The following LARGE1 variants were observed in gnomAD, a reference collection of about 807,000 sequenced individuals.
The protein encoded by LARGE1 is LARGE xylosyl- and glucuronyltransferase 1, also known as xylosyl- and glucuronyltransferase LARGE1.
In LARGE1, 43 loss-of-function variants were observed where a neutral mutation model predicts 87.6. The observed-to-expected ratio is 0.49, with a 90% CI of 0.38 to 0.63. The LOEUF (loss-of-function observed/expected upper bound fraction) is 0.63. Ranked by LOEUF, LARGE1 falls within the 30% of genes least tolerant of loss-of-function variation. The pLI is 0.00. For missense variants in LARGE1, 802 were observed against 1,000.2 expected, an observed-to-expected ratio of 0.80 and a Z score of 2.67; for synonymous variants, 434 against 394.6, an observed-to-expected ratio of 1.10 and a Z score of -1.18.
rs1316310713 is a variant in LARGE1, at chr22:33,613,473, T to C, written c.492-8915A>G. Reference sequence around the variant, plus strand: ...CCCTGGGAATCAAGAAGCACCCAATTACAATTCTACTACACACAAGTTTCT... The same window carrying C: ...CCCTGGGAATCAAGAAGCACCCAATCACAATTCTACTACACACAAGTTTCT... On this transcript the variant is annotated intron_variant, in intron 4 of 14. Transcript: ENST00000397394. 3.3e-5 allele frequency among the ~76,000 whole-genome samples: 5 copies of C among 152,304 alleles called. No individual in the cohort carries two copies. In the East Asian group the frequency reaches 9.6e-4, roughly 29 times the overall value.
chr22:33,255,118 C>T (rs1012680094), intron 11 of LARGE1, among the ~76,000 whole-genome samples: 6 of 151,834 alleles, frequency 4.0e-5, no homozygotes, highest in African/African-American at 9.7e-5. Flanking sequence ...TTGTGTTTTC[C>T]GCAGAGACGG....
chr22:33,781,554 GAA>G (rs1365944928), intron 1 of LARGE1, among the ~76,000 whole-genome samples: 3 of 152,188 alleles, frequency 2.0e-5, no homozygotes, highest in African/African-American at 7.2e-5. Context: ...AAAGAGGAAA[GAA>G]TGCAGACAGC....
intron 11 of LARGE1, among the ~76,000 whole-genome samples, chr22:33,314,543 C>G (rs1026910054): frequency 6.6e-6 from 1 of 152,154 alleles, no homozygotes; most frequent in African/African-American, 2.4e-5. Flanking sequence ...ACTAATAACA[C>G]CTGGTATTTA....
intron 6 of LARGE1, among the ~76,000 whole-genome samples, chr22:33,499,747 G>A (rs544859853): frequency 2.4e-4 from 37 of 152,074 alleles, no homozygotes; most frequent in Admixed American, 2.0e-4. Context: ...GTTGTAATAG[G>A]TATTAGATAT....
At chr22:33,297,582 C>A (rs1010219753) in intron 12 of LARGE1, among the ~76,000 whole-genome samples, 1 of 146,698 alleles carries the variant, frequency 6.8e-6, no homozygotes, top group Admixed American at 6.9e-5. Flanking sequence ...CACTGCACTC[C>A]AGCCTGGGCG....
rs1193425062 is a variant in LARGE1 at position 33,657,979 on chromosome 22, C to G, written c.107-7311G>C. 2.0e-5 allele frequency among the ~76,000 whole-genome samples: 3 copies of G among 152,164 alleles called. No individual in the cohort carries two copies. In the East Asian group the frequency reaches 5.8e-4, roughly 29 times the overall value. ...AACAGGCACATGATTTAACTAGTTC[C>G]ATGTCATCCCAGCAACAATGGCAGA... On this transcript the variant is annotated intron_variant, in intron 2 of 14. Coordinates refer to ENST00000397394, the MANE Select transcript of LARGE1 (RefSeq NM_133642.5).
intron 9 of LARGE1, among the ~76,000 whole-genome samples, chr22:33,353,446 G>T (rs991536660): frequency 6.7e-6 from 1 of 148,994 alleles, no homozygotes; most frequent in Non-Finnish European, 1.5e-5. Flanking sequence ...AATACACAAA[G>T]ATAATATGGT....
At chr22:33,717,600 A>G (rs2082950986) in intron 2 of LARGE1, among the ~76,000 whole-genome samples, 1 of 152,200 alleles carries the variant, frequency 6.6e-6, no homozygotes, top group Non-Finnish European at 1.5e-5. Context: ...CCACAGTGGA[A>G]TCGAGGGCTT....
rs746851170 is a variant in LARGE1, at chr22:33,384,243, C to T, written c.954G>A (p.Leu318=). The change falls in exon 8 of 15, where the codon CTG becomes CTA. Residue 318 remains leucine (L), a synonymous_variant. Transcript: ENST00000397394. ...RKMKWEQMWR[L]TAERELMGML... ...TGCCCATGAGCTCCCTCTCTGCGGT[C>T]AGCCTCCACATCTGCTCCCATTTCA... The T allele has an allele frequency of 6.2e-7, 1 of 1,614,158 alleles. No individual in the cohort carries two copies. The highest frequency in any genetic ancestry group is 2.2e-5 in the East Asian group (1 of 44,888).
chr22:33,515,971 T>C (rs1219830212), intron 6 of LARGE1, among the ~76,000 whole-genome samples: 1 of 151,824 alleles, frequency 6.6e-6, no homozygotes, highest in Non-Finnish European at 1.5e-5. Context: ...AGTCCGGGAG[T>C]GAGCAACGCC....
At chr22:33,856,604 G>C (rs1029252542) in intron 1 of LARGE1, 10 of 152,172 alleles carry the variant, frequency 6.6e-5, no homozygotes, top group African/African-American at 2.4e-4. Context: ...GCCCTAGGCT[G>C]GTGCGTCTAC....
intron 7 of LARGE1, among the ~76,000 whole-genome samples, chr22:33,394,703 G>A (rs1230352051): frequency 4.3e-5 from 1 of 23,152 alleles, no homozygotes. Context: ...TCCTGGGAGC[G>A]TGTGTGTGTG....
chr22:33,623,520 A>T (rs2079820637), intron 4 of LARGE1, among the ~76,000 whole-genome samples: 1 of 151,938 alleles, frequency 6.6e-6, no homozygotes, highest in South Asian at 2.1e-4. Flanking sequence ...TCTCCTATCC[A>T]CTTCTCCATT....
At chr22:33,724,637 GT>G (rs2083211898) in intron 2 of LARGE1, among the ~76,000 whole-genome samples, 1 of 152,218 alleles carries the variant, frequency 6.6e-6, no homozygotes, top group South Asian at 2.1e-4. Flanking sequence ...CCAGAAAATG[GT>G]GAACAAAGGC....
intron 1 of LARGE1, among the ~76,000 whole-genome samples, chr22:33,894,037 T>C (rs937412709): frequency 2.6e-5 from 4 of 152,004 alleles, no homozygotes; most frequent in South Asian, 2.1e-4. Flanking sequence ...CCTGCAGACC[T>C]GGATGCTCTA....
intron 2 of LARGE1, among the ~76,000 whole-genome samples, chr22:33,652,503 T>C (rs1193119548): frequency 2.0e-5 from 3 of 147,278 alleles, no homozygotes; most frequent in Non-Finnish European, 4.5e-5. Context: ...CACTTATTTC[T>C]GTTTCCACTC....
intron 1 of LARGE1, among the ~76,000 whole-genome samples, chr22:33,887,014 G>C (rs895358002): frequency 6.6e-6 from 1 of 152,158 alleles, no homozygotes; most frequent in Non-Finnish European, 1.5e-5. Context: ...GGTGATGGTA[G>C]GGTGAAAAAG....
intron 1 of LARGE1, among the ~76,000 whole-genome samples, chr22:33,782,776 A>G (rs994439700): frequency 2.6e-5 from 4 of 151,870 alleles, no homozygotes. Flanking sequence ...GAGGCAGAAG[A>G]ATCACTTGAA....
chr22:33,125,850 C>T, the LARGE1 span, among the ~76,000 whole-genome samples: 24 of 152,228 alleles, frequency 1.6e-4, no homozygotes, highest in African/African-American at 5.5e-4. Flanking sequence ...TGGGTTCAAG[C>T]GATTCTCGTG....
Sources: gnomAD v4.1 joint callset for allele counts (sites outside exome capture counted in the v4.1 genomes callset) on GRCh38, gnomAD v4.1.1 for gene constraint, MANE v1.5 for transcripts, NCBI Gene and HGNC (gene_info 2026-07-23, HGNC 2026-07-21) for gene names.